NSMCE2: variants seen among roughly 807,000 people sequenced by gnomAD.
The protein encoded by NSMCE2 is E3 SUMO-protein ligase NSE2.
A neutral mutation model predicts 23.8 loss-of-function variants in NSMCE2; 24 were observed. That is an observed-to-expected ratio of 1.01 (90% CI 0.73 to 1.42). The LOEUF (loss-of-function observed/expected upper bound fraction) is 1.42, where lower values mean the gene tolerates loss of function less well. Among genes scored for constraint, NSMCE2 ranks in the 40% most tolerant of loss-of-function variants. The pLI is 0.00. For missense variants in NSMCE2, 284 were observed against 296.5 expected, an observed-to-expected ratio of 0.96 and a Z score of 0.31; for synonymous variants, 92 against 94.1, an observed-to-expected ratio of 0.98 and a Z score of 0.13.
chr8:125,330,378 G>A (rs917039638), intron 5 of NSMCE2, among the ~76,000 whole-genome samples: 1 of 151,920 alleles, frequency 6.6e-6, no homozygotes, highest in South Asian at 2.1e-4. Context: ...GTTTCACCAC[G>A]TTGGCCAGGC....
chr8:125,286,311 A>ATTTT (rs369845619), intron 5 of NSMCE2, among the ~76,000 whole-genome samples: 7 of 98,994 alleles, frequency 7.1e-5, no homozygotes, highest in African/African-American at 1.2e-4. Flanking sequence ...AATACCTTTT[A>ATTTT]TTTATTTTTT....
chr8:125,172,506 G>A (rs754495084), intron 4 of NSMCE2, among the ~76,000 whole-genome samples: 8 of 152,076 alleles, frequency 5.3e-5, no homozygotes, highest in African/African-American at 1.4e-4. Context: ...TTCTAAAAGC[G>A]AAAAATATGC....
chr8:125,211,856 A>G (rs1404923720), intron 5 of NSMCE2, among the ~76,000 whole-genome samples: 2 of 152,152 alleles, frequency 1.3e-5, no homozygotes, highest in African/African-American at 4.8e-5. Context: ...TCCCTTCATT[A>G]CAGTAGCTCT....
intron 5 of NSMCE2, among the ~76,000 whole-genome samples, chr8:125,255,109 G>A (rs1316804871): frequency 6.6e-6 from 1 of 151,954 alleles, no homozygotes; most frequent in African/African-American, 2.4e-5. Flanking sequence ...CTGTGATGAA[G>A]CCTAAAGACC....
chr8:125,256,600 A>C (rs1826427980), intron 5 of NSMCE2, among the ~76,000 whole-genome samples: 1 of 152,156 alleles, frequency 6.6e-6, no homozygotes, highest in South Asian at 2.1e-4. Flanking sequence ...ATGCATAGAC[A>C]AGCTCACCCA....
At position 125,280,009 on chromosome 8, in the gene NSMCE2, A is replaced by G. The variant is rs118144463; in HGVS notation, c.419-77210A>G. 5.1e-4 allele frequency among the ~76,000 whole-genome samples: 78 copies of G among 152,322 alleles called. No homozygotes were observed. The East Asian group carries it at 0.012, about 23-fold the overall frequency. ...TCATTTTTTGTTTTCCTTTTGGACT[A>G]TAAATTCCTCGAGGGCAGGGACCAT... On this transcript the variant is annotated intron_variant, in intron 5 of 7. Coordinates refer to ENST00000287437, the MANE Select transcript of NSMCE2 (RefSeq NM_173685.4).
intron 5 of NSMCE2, among the ~76,000 whole-genome samples, chr8:125,337,901 A>G (rs1405568470): frequency 5.3e-5 from 8 of 150,622 alleles, no homozygotes; most frequent in East Asian, 3.9e-4. Context: ...AAAAAAAAAA[A>G]AAAAGAAAGA....
intron 5 of NSMCE2, among the ~76,000 whole-genome samples, chr8:125,240,013 T>C (rs966940669): frequency 2.6e-5 from 4 of 152,152 alleles, no homozygotes; most frequent in African/African-American, 7.2e-5. Context: ...CTGTTGAGGG[T>C]CAGGGTCTAA....
At chr8:125,218,564 A>G (rs545377967) in intron 5 of NSMCE2, among the ~76,000 whole-genome samples, 1 of 152,122 alleles carries the variant, frequency 6.6e-6, no homozygotes, top group South Asian at 2.1e-4. Flanking sequence ...GGCACCTGCC[A>G]CCATGCCTAG....
intron 5 of NSMCE2, among the ~76,000 whole-genome samples, chr8:125,192,354 TTAAG>T (rs1823391980): frequency 6.6e-6 from 1 of 152,076 alleles, no homozygotes; most frequent in East Asian, 1.9e-4. Context: ...TAAAGAAAGT[TTAAG>T]TAGAATTTTG....
rs181550322 is a variant in NSMCE2 at position 125,153,773 on chromosome 8, G to T, written c.264+2496G>T. Among the ~76,000 whole-genome samples the T allele has an allele frequency of 2.4e-4, 37 of 152,292 alleles. 1 individual carries two copies. The highest frequency in any genetic ancestry group is 2.3e-3 in the Admixed American group (35 of 15,304). ...CAGATTAGATAATGTATATCAAAAT[G>T]CTTTGGCATTCATCAAATTTGATGG... On this transcript the variant is annotated intron_variant, in intron 4 of 7. Transcript: ENST00000287437.
chr8:125,263,059 G>C (rs1826765551), intron 5 of NSMCE2, among the ~76,000 whole-genome samples: 2 of 152,290 alleles, frequency 1.3e-5, no homozygotes, highest in South Asian at 4.1e-4. Flanking sequence ...GTAGCTGGGG[G>C]AATGATAACT....
chr8:125,342,551 G>A lies in NSMCE2; in HGVS notation c.419-14668G>A, dbSNP rs117842178. On this transcript the variant is annotated intron_variant, in intron 5 of 7. Coordinates refer to ENST00000287437, the MANE Select transcript of NSMCE2 (RefSeq NM_173685.4). Reference sequence around the variant, plus strand: ...CTTAGAGGCAAGGACTTTGTTCTACGATGCTGACTCAGTGATGCCTTCCCT... The same window carrying A: ...CTTAGAGGCAAGGACTTTGTTCTACAATGCTGACTCAGTGATGCCTTCCCT... Among the ~76,000 whole-genome samples the A allele has an allele frequency of 8.4e-3, 1,275 of 152,264 alleles. 4 individuals are homozygous for A. Among genetic ancestry groups the A allele is most frequent in the Non-Finnish European group, 0.012 (818 of 68,006 alleles).
At chr8:125,113,495 T>C (rs1818861419) in intron 3 of NSMCE2, among the ~76,000 whole-genome samples, 1 of 151,916 alleles carries the variant, frequency 6.6e-6, no homozygotes, top group Non-Finnish European at 1.5e-5. Flanking sequence ...AATAAATAAA[T>C]AAAAATATAT....
chr8:125,188,043 T>C (rs114694737), intron 5 of NSMCE2, among the ~76,000 whole-genome samples: 1,875 of 152,238 alleles, frequency 0.012, 46 homozygotes, highest in African/African-American at 0.042. Flanking sequence ...ATCAGACATA[T>C]AGAGACATAG....
intron 5 of NSMCE2, among the ~76,000 whole-genome samples, chr8:125,303,249 T>C (rs1047237985): frequency 1.3e-5 from 2 of 152,166 alleles, no homozygotes; most frequent in African/African-American, 4.8e-5. Context: ...TCAGACTCCT[T>C]AGTCTGCAAG....
In NSMCE2 at chr8:125,363,287, G is replaced by A. The variant is rs113095473; in HGVS notation, c.627-3481G>A. ...GGAGGCCAAGGCAGGTGGATCACTT[G>A]AGCTCAGGAGTTCAGGACCAGCCTG... On this transcript the variant is annotated intron_variant, in intron 7 of 7. Transcript: ENST00000287437. 8.7e-3 allele frequency: 1,332 copies of A among 152,286 alleles called. 11 individuals carry two copies. The highest frequency in any genetic ancestry group is 0.013 in the Non-Finnish European group (879 of 68,112). 9.4% of individuals were successfully genotyped at this position (152,286 alleles called of 1,614,324 possible). A position where few individuals can be genotyped will look rare whatever the true frequency, so the allele number is the denominator to read the frequency against.
chr8:125,272,741 A>T (rs564524788), intron 5 of NSMCE2, among the ~76,000 whole-genome samples: 1 of 134,376 alleles, frequency 7.4e-6, no homozygotes, highest in South Asian at 2.2e-4. Context: ...ACACACACAC[A>T]TATATATACA....
At chr8:125,314,561 A>T (rs1425667347) in intron 5 of NSMCE2, among the ~76,000 whole-genome samples, 1 of 152,154 alleles carries the variant, frequency 6.6e-6, no homozygotes, top group Non-Finnish European at 1.5e-5. Context: ...AAGTGCTGGG[A>T]TTACAGGCCT....
Sources: allele counts gnomAD v4.1 joint callset (sites outside exome capture counted in the v4.1 genomes callset), GRCh38; gene constraint gnomAD v4.1.1; transcripts MANE v1.5; gene names NCBI Gene and HGNC (gene_info 2026-07-23, HGNC 2026-07-21).